RPS25: variants seen among roughly 807,000 people sequenced by gnomAD.
RPS25 encodes the protein ribosomal protein S25, also known as small ribosomal subunit protein eS25.
A neutral mutation model predicts 14.4 loss-of-function variants in RPS25; 1 was observed. That is an observed-to-expected ratio of 0.07 (90% CI 0.02 to 0.33). The LOEUF (loss-of-function observed/expected upper bound fraction) is 0.33, where lower values mean the gene tolerates loss of function less well. Ranked by LOEUF, RPS25 falls within the 10% of genes least tolerant of loss-of-function variation. The pLI is 1.00. For missense variants in RPS25, 65 were observed against 144.6 expected, an observed-to-expected ratio of 0.45 and a Z score of 2.82; for synonymous variants, 63 against 53.8, an observed-to-expected ratio of 1.17 and a Z score of -0.75.
At chr11:119,015,965 G>A (rs1239109609) in intron 3 of RPS25, 26 bp from the exon 4 acceptor site, 3 of 1,364,714 alleles carry the variant, frequency 2.2e-6, no homozygotes, top group Non-Finnish European at 2.1e-6. Context: ...AGCACGATGA[G>A]ATGCTTAACA....
chr11:119,015,807 C>T, intron 4 of RPS25, 34 bp downstream of exon 4: 1 of 1,424,064 alleles, frequency 7.0e-7, no homozygotes, highest in East Asian at 2.3e-5. Context: ...TTGTATCTAC[C>T]TCCTACACCA....
rs1489349957 is a variant in RPS25, at chr11:119,015,778, G to T, written c.*5-20C>A. The T allele has an allele frequency of 1.5e-6, 2 of 1,333,858 alleles. No homozygotes were observed. Among genetic ancestry groups the T allele is most frequent in the Admixed American group, 3.9e-5 (2 of 51,146 alleles). 82.6% of individuals were successfully genotyped at this position (1,333,858 alleles called of 1,614,324 possible). On this transcript the variant is annotated intron_variant, in intron 4 of 4. Coordinates refer to ENST00000527673, the MANE Select transcript of RPS25 (RefSeq NM_001028.3). ...TTGGACCTGTAAAAAAAAATTAAAA[G>T]AATCAGAACCATAAAGCTTTGTATC... is the stretch of plus-strand genomic sequence containing the variant.
Position 119,018,310 on chromosome 11 carries a change from A to T in RPS25, c.-26T>A. ...TGCGAAGCTCGGAGAATAGCAGCAG[A>T]CACCGCAGCCTCGTCAAGATGTCGG... On this transcript the variant is annotated 5_prime_UTR_variant, in exon 1 of 5. Transcript: ENST00000527673. The T allele has an allele frequency of 6.2e-7, 1 of 1,614,178 alleles. No individual in the cohort carries two copies. The highest frequency in any genetic ancestry group is 8.5e-7 in the Non-Finnish European group (1 of 1,180,038).
chr11:119,016,002 T>G, intron 3 of RPS25, 63 bp from the exon 4 acceptor site: 1 of 1,092,578 alleles, frequency 9.2e-7, no homozygotes, highest in Non-Finnish European at 1.4e-6. Context: ...CTAGTAAGGT[T>G]TTTGGCTGGG....
In RPS25 at chr11:119,015,852, T is replaced by C; in HGVS notation, c.371A>G (p.Asp124Gly). The C allele has an allele frequency of 6.3e-7, 1 of 1,598,406 alleles. No individual in the cohort carries two copies. The highest frequency in any genetic ancestry group is 8.6e-7 in the Non-Finnish European group (1 of 1,165,760). Residue 124 changes from aspartate (D) to glycine (G), a missense_variant, in exon 4 of 5, where the codon GAT (aspartate) becomes GGT (glycine). Transcript: ENST00000527673. ...KGGDAPAAGE[D>G]A ...ACATTCCTACTCACCTATTCATGCATCTTCACCAGCAGCTGGAGCATCTCC... is the reference window on the plus strand; with the variant it reads ...ACATTCCTACTCACCTATTCATGCACCTTCACCAGCAGCTGGAGCATCTCC...
At chr11:119,016,436 A>T (rs531327977) in intron 3 of RPS25, among the ~76,000 whole-genome samples, 1 of 152,292 alleles carries the variant, frequency 6.6e-6, no homozygotes, top group East Asian at 1.9e-4. Flanking sequence ...GAGTTCTCTC[A>T]GAGGTGCCCA....
chr11:119,017,169 CAA>C (rs888730068), intron 3 of RPS25, among the ~76,000 whole-genome samples, 191 bp downstream of exon 3: 1 of 152,062 alleles, frequency 6.6e-6, no homozygotes, highest in African/African-American at 2.4e-5. Flanking sequence ...GTCCACGGCA[CAA>C]AAGTGGCTAA....
chr11:119,017,584 T>C (rs1481687430), intron 2 of RPS25, 39 bp from the exon 3 acceptor site: 1 of 1,573,504 alleles, frequency 6.4e-7, no homozygotes, highest in Admixed American at 1.7e-5. Context: ...TTAGTATTTC[T>C]GGCAGAAGCA....
At position 119,018,033 on chromosome 11, in the gene RPS25, C is replaced by T; in HGVS notation, c.24G>A (p.Lys8=). The T allele has an allele frequency of 6.2e-7, 1 of 1,612,346 alleles. No homozygotes were observed. Among genetic ancestry groups the T allele is most frequent in the Non-Finnish European group, 8.5e-7 (1 of 1,180,022 alleles). MPPKDDK[K]KKDAGKSAKK... is the part of the protein sequence containing the mutation. ...TGGCCGACTTTCCAGCGTCCTTCTTCTTCTTGTCGTCCTTAGGCGGCTGTA... is the reference window on the plus strand; with the variant it reads ...TGGCCGACTTTCCAGCGTCCTTCTTTTTCTTGTCGTCCTTAGGCGGCTGTA... Residue 8 remains lysine, a synonymous_variant, in exon 2 of 5, where the codon AAG becomes AAA. Transcript: ENST00000527673.
intron 2 of RPS25, 114 bp from the exon 3 acceptor site, chr11:119,017,659 A>C: frequency 9.9e-7 from 1 of 1,011,572 alleles, no homozygotes; most frequent in Non-Finnish European, 1.4e-6. Context: ...GATAAATTAC[A>C]CATTACTAAA....
chr11:119,017,683 A>C (rs1045882908), intron 2 of RPS25, 138 bp from the exon 3 acceptor site: 44 of 865,206 alleles, frequency 5.1e-5, no homozygotes, highest in African/African-American at 6.8e-5. Flanking sequence ...AAAACAAAAA[A>C]AAAACACCGA....
At chr11:119,016,125 CA>C (rs1943149768) in intron 3 of RPS25, among the ~76,000 whole-genome samples, 186 bp from the exon 4 acceptor site, 1 of 151,970 alleles carries the variant, frequency 6.6e-6, no homozygotes, top group Non-Finnish European at 1.5e-5. Flanking sequence ...CCATCTCTAC[CA>C]AAAATACAAA....
intron 2 of RPS25, 80 bp downstream of exon 2, chr11:119,017,878 A>C: frequency 1.8e-6 from 2 of 1,128,884 alleles, no homozygotes; most frequent in Non-Finnish European, 2.7e-6. Context: ...CTGAAAAACC[A>C]CTTACTATAC....
At chr11:119,016,492 C>T (rs782734385) in intron 3 of RPS25, among the ~76,000 whole-genome samples, 2 of 152,154 alleles carry the variant, frequency 1.3e-5, no homozygotes, top group African/African-American at 4.8e-5. Context: ...CCTGCTTTGG[C>T]CTCCCAAGTA....
chr11:119,018,316 C>A lies in RPS25; in HGVS notation c.-32G>T, dbSNP rs370969866. 9.3e-6 allele frequency: 15 copies of A among 1,614,132 alleles called. No individual in the cohort carries two copies. The highest frequency in any genetic ancestry group is 1.7e-4 in the Middle Eastern group (1 of 6,058). ...GCTCGGAGAATAGCAGCAGACACCGCAGCCTCGTCAAGATGTCGGACAAAA... is the reference window on the plus strand; with the variant it reads ...GCTCGGAGAATAGCAGCAGACACCGAAGCCTCGTCAAGATGTCGGACAAAA... On this transcript the variant is annotated 5_prime_UTR_variant, in exon 1 of 5. Transcript: ENST00000527673.
chr11:119,016,008 C>T, intron 3 of RPS25, 69 bp from the exon 4 acceptor site: 1 of 997,452 alleles, frequency 1.0e-6, no homozygotes, highest in Non-Finnish European at 1.6e-6. Flanking sequence ...AGGTTTTTGG[C>T]TGGGCGCGGT....
intron 2 of RPS25, 38 bp from the exon 3 acceptor site, chr11:119,017,583 C>G (rs1247705937): frequency 1.5e-5 from 24 of 1,572,730 alleles, no homozygotes; most frequent in Non-Finnish European, 2.0e-5. Flanking sequence ...GTTAGTATTT[C>G]TGGCAGAAGC....
intron 3 of RPS25, among the ~76,000 whole-genome samples, chr11:119,016,951 TCAGAC>T (rs774944120): frequency 6.6e-4 from 101 of 152,232 alleles, no homozygotes; most frequent in Non-Finnish European, 1.3e-3. Flanking sequence ...ATTATGGTAA[TCAGAC>T]CATACTACTG....
intron 1 of RPS25, 51 bp downstream of exon 1, chr11:119,018,231 C>G: frequency 6.2e-7 from 1 of 1,613,874 alleles, no homozygotes; most frequent in African/African-American, 1.3e-5. Context: ...GCTCTCCCCA[C>G]TGAGTCCTCA....
Sources: gnomAD v4.1 joint callset for allele counts (sites outside exome capture counted in the v4.1 genomes callset) on GRCh38, gnomAD v4.1.1 for gene constraint, MANE v1.5 for transcripts, NCBI Gene and HGNC (gene_info 2026-07-23, HGNC 2026-07-21) for gene names.